The following POLD3 variants were observed in gnomAD, a reference collection of about 807,000 sequenced individuals.
POLD3 encodes the protein DNA polymerase delta subunit 3.
POLD3 carries 19 observed loss-of-function variants against 58.2 expected under a neutral mutation model. The ratio of observed to expected loss-of-function variants is 0.33; its 90% CI spans 0.23 to 0.48. The LOEUF (loss-of-function observed/expected upper bound fraction) is 0.48. Among genes scored for constraint, POLD3 ranks in the 20% least tolerant of loss-of-function variants. POLD3 has a pLI of 0.99. For missense variants in POLD3, 504 were observed against 545.5 expected, an observed-to-expected ratio of 0.92 and a Z score of 0.76; for synonymous variants, 172 against 193.5, an observed-to-expected ratio of 0.89 and a Z score of 0.92.
intron 8 of POLD3, 50 bp downstream of exon 8, chr11:74,625,623 A>G: frequency 6.7e-7 from 1 of 1,502,786 alleles, no homozygotes; most frequent in African/African-American, 1.4e-5. Flanking sequence ...TGGGGGTGAG[A>G]AGGTCTCTTT....
downstream of POLD3, among the ~76,000 whole-genome samples, chr11:74,648,011 A>G (rs1428479880): frequency 6.6e-6 from 1 of 152,240 alleles, no homozygotes; most frequent in Admixed American, 6.5e-5. Context: ...AGTTTAAATG[A>G]TTTGCCCAAT....
Position 74,592,624 on chromosome 11 carries a change from G to C in POLD3, c.-35G>C. 1 of 1,612,404 alleles carries C rather than the reference G, an allele frequency of 6.2e-7. No homozygotes were observed. Among genetic ancestry groups the C allele is most frequent in the Non-Finnish European group, 8.5e-7 (1 of 1,179,248 alleles). On this transcript the variant is annotated 5_prime_UTR_variant, in exon 1 of 12. Transcript: ENST00000263681. ...GCGGGAGCTGTGGCTGTGATTGAGAGAGGGGTTAGAGGCGGGTCCCAGCGC... is the reference window on the plus strand; with the variant it reads ...GCGGGAGCTGTGGCTGTGATTGAGACAGGGGTTAGAGGCGGGTCCCAGCGC...
At chr11:74,668,823 C>T (rs997942525) in exon 5 of POLD3, 25 of 1,281,266 alleles carry the variant, frequency 2.0e-5, no homozygotes, top group Middle Eastern at 4.3e-4. Flanking sequence ...TGGAGCATTA[C>T]GTGGAAATGC....
At chr11:74,652,042 G>A (rs950657871) in intron 4 of POLD3, among the ~76,000 whole-genome samples, 3 of 152,138 alleles carry the variant, frequency 2.0e-5, no homozygotes, top group East Asian at 1.9e-4. Context: ...CAAGTCAGTG[G>A]TAGAACTTGA....
intron 4 of POLD3, among the ~76,000 whole-genome samples, chr11:74,651,447 C>T (rs1048279717): frequency 6.6e-6 from 1 of 152,136 alleles, no homozygotes; most frequent in Non-Finnish European, 1.5e-5. Context: ...CAGTCATGAA[C>T]AAGGCAGAAA....
intron 4 of POLD3, among the ~76,000 whole-genome samples, chr11:74,649,186 G>T (rs1223428734): frequency 6.6e-6 from 1 of 152,196 alleles, no homozygotes; most frequent in Non-Finnish European, 1.5e-5. Flanking sequence ...GGTCAAAAAT[G>T]ACCCATAGTC....
intron 9 of POLD3, among the ~76,000 whole-genome samples, chr11:74,633,057 A>C (rs1276931581): frequency 6.6e-6 from 1 of 152,152 alleles, no homozygotes; most frequent in East Asian, 1.9e-4. Flanking sequence ...AGAGGGTGTC[A>C]CTAGGATTGT....
chr11:74,641,195 C>T lies in POLD3; in HGVS notation c.*429C>T. ...GGGTGTTTCTTATCCTTACATTCTG[C>T]TGGATACGTTTACCCCTCTTGTCTT... is the stretch of plus-strand genomic sequence containing the variant. On this transcript the variant is annotated 3_prime_UTR_variant, in exon 12 of 12. Transcript: ENST00000263681. 2.0e-6 allele frequency: 2 copies of T among 985,432 alleles called. No homozygotes were observed. The highest frequency in any genetic ancestry group is 2.4e-6 in the Non-Finnish European group (2 of 829,760). 61.0% of individuals were successfully genotyped at this position (985,432 alleles called of 1,614,324 possible).
Position 74,618,545 on chromosome 11 carries a change from C to T in POLD3, c.401C>T (p.Ala134Val). Residue 134 changes from alanine to valine, a missense_variant, in exon 6 of 12, where the codon GCT (alanine) becomes GTT (valine). Ala to Val is a moderately conservative substitution (Grantham distance 64). Coordinates refer to ENST00000263681, the MANE Select transcript of POLD3 (RefSeq NM_006591.3). ...AACATTTCTGTCCCCAGATTTAGTG[C>T]TATACAATGTGCAGCTGCCGTCCCT... is the stretch of plus-strand genomic sequence containing the variant. ...SNLQNCSKFSAIQCAAAVPRA... is the reference protein window; with the variant it reads ...SNLQNCSKFSVIQCAAAVPRA... 1 of 1,611,990 alleles carries T rather than the reference C, an allele frequency of 6.2e-7. No individual in the cohort carries two copies. The highest frequency in any genetic ancestry group is 8.5e-7 in the Non-Finnish European group (1 of 1,178,402).
chr11:74,655,213 C>A (rs2033117871), intron 4 of POLD3, among the ~76,000 whole-genome samples: 1 of 152,252 alleles, frequency 6.6e-6, no homozygotes, highest in Non-Finnish European at 1.5e-5. Context: ...CATTAGCTGA[C>A]CACTAAGCAA....
intron 9 of POLD3, among the ~76,000 whole-genome samples, chr11:74,632,324 A>C (rs1218032533): frequency 6.6e-6 from 1 of 152,198 alleles, no homozygotes; most frequent in Non-Finnish European, 1.5e-5. Context: ...GCTTTCCTGG[A>C]ATAAGTGATA....
chr11:74,608,912 G>A (rs543070167), intron 3 of POLD3, among the ~76,000 whole-genome samples: 19 of 152,216 alleles, frequency 1.2e-4, no homozygotes, highest in South Asian at 6.2e-4. Context: ...AAGAGAAAAT[G>A]CATTATGAGA....
chr11:74,666,076 G>A (rs538555114), intron 4 of POLD3, among the ~76,000 whole-genome samples: 21 of 152,204 alleles, frequency 1.4e-4, no homozygotes, highest in African/African-American at 4.8e-4. Context: ...CAAGCCCAAT[G>A]TACAAACATC....
rs78729706 is a variant in POLD3 at position 74,654,623 on chromosome 11, C to G, written c.370-14154C>G. Among the ~76,000 whole-genome samples the G allele has an allele frequency of 2.7e-3, 412 of 152,276 alleles. 1 individual carries two copies. Among genetic ancestry groups the G allele is most frequent in the South Asian group, 8.3e-3 (40 of 4,826 alleles). On this transcript the variant is annotated intron_variant, in intron 4 of 4. Transcript: ENST00000524752. ...ACCCTCAAGTAAAAATAGTGGGAGT[C>G]TGTGGTGTTTTAACCTGGGGCTGCT... is the stretch of plus-strand genomic sequence containing the variant.
At chr11:74,619,935 A>T (rs10501417) in intron 6 of POLD3, 82 bp from the exon 7 acceptor site, 4 of 1,029,946 alleles carry the variant, frequency 3.9e-6, no homozygotes, top group African/African-American at 3.1e-5. Context: ...ACAGTTTGCT[A>T]TAGAAGAGTT....
chr11:74,668,488 C>T (rs530576456), intron 4 of POLD3, among the ~76,000 whole-genome samples: 7 of 152,090 alleles, frequency 4.6e-5, no homozygotes, highest in Admixed American at 6.6e-5. Flanking sequence ...CTACATATCA[C>T]GTAGCAAGGG....
At chr11:74,654,391 A>T (rs1021272941) in intron 4 of POLD3, among the ~76,000 whole-genome samples, 1 of 152,182 alleles carries the variant, frequency 6.6e-6, no homozygotes, top group South Asian at 2.1e-4. Context: ...TAATACTCGT[A>T]AACGTGCACA....
At chr11:74,666,574 A>AG (rs2033271149) in intron 4 of POLD3, among the ~76,000 whole-genome samples, 3 of 151,292 alleles carry the variant, frequency 2.0e-5, no homozygotes, top group African/African-American at 7.3e-5. Flanking sequence ...GAGAGAGAGA[A>AG]AGAGGACCTA....
chr11:74,602,253 GC>G (rs1485196924), intron 2 of POLD3, among the ~76,000 whole-genome samples: 4 of 152,082 alleles, frequency 2.6e-5, no homozygotes, highest in Non-Finnish European at 4.4e-5. Context: ...GCTACTGAAA[GC>G]TTTATAACAA....
Sources: gnomAD v4.1 joint callset for allele counts (sites outside exome capture counted in the v4.1 genomes callset) on GRCh38, gnomAD v4.1.1 for gene constraint, MANE v1.5 for transcripts, NCBI Gene and HGNC (gene_info 2026-07-23, HGNC 2026-07-21) for gene names.